Variants in OR10J1 observed in about 807,000 individuals in gnomAD.
OR10J1 encodes olfactory receptor 10J1.
For synonymous variants in OR10J1, 202 were observed against 143.8 expected (o/e 1.40, Z -2.89); for missense variants, 474 against 376.6 (o/e 1.26, Z -2.14).
Position 159,439,890 on chromosome 1 carries a change from A to C in OR10J1, c.99A>C (p.Ala33=). 1.9e-6 allele frequency: 3 copies of C among 1,614,130 alleles called. No homozygotes were observed. The highest frequency in any genetic ancestry group is 1.6e-4 in the Middle Eastern group (1 of 6,062). The change falls in exon 1 of 1, where the codon GCA becomes GCC. Residue 33 remains alanine (A), a synonymous_variant. Coordinates refer to ENST00000423932, the MANE Select transcript of OR10J1 (RefSeq NM_012351.3). The stretch of plus-strand genomic sequence containing the variant: ...TCACCCTTTTTGGCGTGTTCCTTGC[A>C]CTATACATCTTAACCTTAGCAGGCA... ...QQITLFGVFL[A]LYILTLAGNI... is the part of the protein sequence containing the mutation.
the OR10J1 span, among the ~76,000 whole-genome samples, chr1:159,416,345 G>A: frequency 6.6e-6 from 1 of 151,790 alleles, no homozygotes. Context: ...ATTATGCTCA[G>A]GTATGATCTT....
At chr1:159,400,388 C>T in the OR10J1 span, among the ~76,000 whole-genome samples, 1 of 151,548 alleles carries the variant, frequency 6.6e-6, no homozygotes, top group African/African-American at 2.4e-5. Context: ...AAAGATATTC[C>T]ATCCCAATGG....
In OR10J1 at chr1:159,439,987, C is replaced by T; in HGVS notation, c.196C>T (p.Leu66=). ...ACCCATGTACTTCTTCCTGAGCATG[C>T]TGTCCACTTCAGAGACTGTATATAC... The part of the protein sequence containing the change: ...HTPMYFFLSM[L]STSETVYTLV... The change falls in exon 1 of 1, where the codon CTG becomes TTG. Residue 66 remains leucine, a synonymous_variant. Transcript: ENST00000423932. 1 of 1,614,182 alleles carries T rather than the reference C, an allele frequency of 6.2e-7. No individual in the cohort carries two copies. The highest frequency in any genetic ancestry group is 1.3e-5 in the African/African-American group (1 of 75,052).
the OR10J1 span, among the ~76,000 whole-genome samples, chr1:159,424,676 G>A: frequency 2.0e-5 from 3 of 151,846 alleles, no homozygotes; most frequent in Non-Finnish European, 4.4e-5. Flanking sequence ...TAATTTTGAG[G>A]AAGCCTTCTA....
At chr1:159,408,860 G>A in the OR10J1 span, among the ~76,000 whole-genome samples, 11 of 151,998 alleles carry the variant, frequency 7.2e-5, no homozygotes, top group Non-Finnish European at 1.3e-4. Context: ...ATTATGTCAT[G>A]TTTAGGGAAT....
the OR10J1 span, among the ~76,000 whole-genome samples, chr1:159,413,410 T>C: frequency 6.6e-6 from 1 of 151,896 alleles, no homozygotes; most frequent in Non-Finnish European, 1.5e-5. Flanking sequence ...TGTGGCACTA[T>C]TCACAATAGC....
the OR10J1 span, among the ~76,000 whole-genome samples, chr1:159,417,446 T>A: frequency 6.6e-6 from 1 of 152,162 alleles, no homozygotes; most frequent in Non-Finnish European, 1.5e-5. Flanking sequence ...GGAGCAGGTC[T>A]TTCTCATACT....
rs889016080 is a variant in OR10J1 at position 159,440,268 on chromosome 1, A to G, written c.477A>G (p.Gln159=). Residue 159 remains glutamine (Q), a synonymous_variant, in exon 1 of 1, where the codon CAA becomes CAG. Coordinates refer to ENST00000423932, the MANE Select transcript of OR10J1 (RefSeq NM_012351.3). ...CSIGLIVAIT[Q]VTSVFRLPFC... ...TTGGGCTGATTGTAGCAATAACGCA[A>G]GTGACATCTGTATTCAGGTTACCCT... 2.5e-6 allele frequency: 4 copies of G among 1,614,170 alleles called. No homozygotes were observed. Among genetic ancestry groups the G allele is most frequent in the Non-Finnish European group, 2.5e-6 (3 of 1,180,024 alleles).
the OR10J1 span, chr1:159,406,049 A>C: frequency 2.4e-6 from 1 of 424,676 alleles, no homozygotes; most frequent in South Asian, 2.0e-5. Flanking sequence ...TGATGCCAAA[A>C]GTCACATAGA....
At chr1:159,414,973 G>C in the OR10J1 span, among the ~76,000 whole-genome samples, 1 of 151,958 alleles carries the variant, frequency 6.6e-6, no homozygotes, top group Non-Finnish European at 1.5e-5. Context: ...CTGGATATTA[G>C]TCCCTTGTGG....
Position 159,439,723 on chromosome 1 carries a change from G to A in OR10J1, c.-69G>A. 6.3e-7 allele frequency: 1 copy of A among 1,588,150 alleles called. No homozygotes were observed. Among genetic ancestry groups the A allele is most frequent in the Non-Finnish European group, 8.6e-7 (1 of 1,163,082 alleles). On this transcript the variant is annotated 5_prime_UTR_variant, in exon 1 of 1. It adds an upstream start codon to the 5' untranslated region. Coordinates refer to ENST00000423932, the MANE Select transcript of OR10J1 (RefSeq NM_012351.3). ...TTGAACTTCAATCAATTTCAGAAATGTGCTTCTACTGCTTTACTGGGACTA... is the reference window on the plus strand; with the variant it reads ...TTGAACTTCAATCAATTTCAGAAATATGCTTCTACTGCTTTACTGGGACTA...
the OR10J1 span, among the ~76,000 whole-genome samples, chr1:159,401,133 G>A: frequency 6.6e-6 from 1 of 151,334 alleles, no homozygotes; most frequent in Non-Finnish European, 1.5e-5. Context: ...TCAGCTATAA[G>A]TGCCTGCACC....
the OR10J1 span, among the ~76,000 whole-genome samples, chr1:159,429,537 T>A: frequency 6.6e-6 from 1 of 152,204 alleles, no homozygotes. Flanking sequence ...AAAGACTTCA[T>A]TCCTGTGGGA....
chr1:159,439,927 G>C lies in OR10J1; in HGVS notation c.136G>C (p.Val46Leu). 6.2e-7 allele frequency: 1 copy of C among 1,614,022 alleles called. No homozygotes were observed. The highest frequency in any genetic ancestry group is 8.5e-7 in the Non-Finnish European group (1 of 1,179,996). The change falls in exon 1 of 1, where the codon GTG becomes CTG. Residue 46 changes from valine to leucine, a missense_variant. Physicochemically the swap from Val to Leu is conservative, Grantham distance 32 (BLOSUM62 1). Transcript: ENST00000423932. ...ILTLAGNIII[V>L]TIIRMDLHLH... ...AACCTTAGCAGGCAATATCATCATT[G>C]TGACCATCATCCGAATGGATCTTCA...
chr1:159,432,073 A>C, the OR10J1 span: 1 of 398,202 alleles, frequency 2.5e-6, no homozygotes, highest in Non-Finnish European at 4.4e-6. Flanking sequence ...TGTTGAGAGC[A>C]TCTGAAACCC....
the OR10J1 span, among the ~76,000 whole-genome samples, chr1:159,398,255 C>A: frequency 2.0e-5 from 3 of 152,184 alleles, no homozygotes; most frequent in Non-Finnish European, 4.4e-5. Flanking sequence ...TTTCAAATAT[C>A]TGGAAAGCCT....
chr1:159,439,059 G>A (rs567829413), upstream of OR10J1, among the ~76,000 whole-genome samples: 22 of 152,294 alleles, frequency 1.4e-4, no homozygotes, highest in South Asian at 3.5e-3. Context: ...TATAACATAC[G>A]TGAATCAGTG....
At chr1:159,409,649 C>G in the OR10J1 span, among the ~76,000 whole-genome samples, 21 of 152,154 alleles carry the variant, frequency 1.4e-4, 1 homozygote, top group East Asian at 3.9e-3. Context: ...TTATCTATCT[C>G]TAATCTATCC....
At chr1:159,411,327 G>A in the OR10J1 span, among the ~76,000 whole-genome samples, 2 of 152,116 alleles carry the variant, frequency 1.3e-5, no homozygotes, top group Non-Finnish European at 2.9e-5. Flanking sequence ...TATTGTGTGG[G>A]AGTCTAAGTC....
Sources: allele counts gnomAD v4.1 joint callset (sites outside exome capture counted in the v4.1 genomes callset), GRCh38; gene constraint gnomAD v4.1.1; transcripts MANE v1.5; gene names NCBI Gene and HGNC (gene_info 2026-07-23, HGNC 2026-07-21).